Variants in TMCC1 observed in about 807,000 individuals in gnomAD.
TMCC1 encodes the protein transmembrane and coiled-coil domains protein 1.
In TMCC1, 15 loss-of-function variants were observed where a neutral mutation model predicts 52.4. The ratio of observed to expected loss-of-function variants is 0.29; its 90% CI spans 0.19 to 0.44. TMCC1 has a LOEUF of 0.44. Ranked by LOEUF, TMCC1 falls within the 20% of genes least tolerant of loss-of-function variation. The pLI, the probability that TMCC1 is intolerant of heterozygous loss-of-function variation, is 1.00. For synonymous variants in TMCC1, 279 were observed against 301.9 expected (o/e 0.92, Z 0.79); for missense variants, 503 against 806.0 (o/e 0.62, Z 4.55).
At chr3:129,808,817 T>A (rs1300260920) in intron 4 of TMCC1, among the ~76,000 whole-genome samples, 1 of 140,018 alleles carries the variant, frequency 7.1e-6, no homozygotes, top group African/African-American at 2.6e-5. Flanking sequence ...GAAAAAAAAA[T>A]AGCAGCATAA....
chr3:129,839,469 A>G (rs1364331400), intron 2 of TMCC1, among the ~76,000 whole-genome samples: 2 of 152,236 alleles, frequency 1.3e-5, no homozygotes, highest in Non-Finnish European at 2.9e-5. Context: ...AGAAGGCAGT[A>G]GGAAAAAAAC....
At chr3:129,883,900 A>G (rs1290339119) in intron 1 of TMCC1, among the ~76,000 whole-genome samples, 2 of 151,836 alleles carry the variant, frequency 1.3e-5, no homozygotes, top group African/African-American at 4.8e-5. Context: ...TATATTTTTG[A>G]AAGAAAAATA....
At chr3:129,710,178 T>C (rs2108994371) in intron 4 of TMCC1, among the ~76,000 whole-genome samples, 1 of 108,776 alleles carries the variant, frequency 9.2e-6, no homozygotes, top group Admixed American at 1.1e-4. Flanking sequence ...AGAGCGAGAT[T>C]CCATCTCAAA....
chr3:129,767,251 G>A (rs2054199357), intron 4 of TMCC1, among the ~76,000 whole-genome samples: 1 of 141,850 alleles, frequency 7.0e-6, no homozygotes, highest in African/African-American at 2.7e-5. Flanking sequence ...ACAGTGAGAC[G>A]CTGTCTTTAA....
intron 1 of TMCC1, among the ~76,000 whole-genome samples, chr3:129,884,857 A>G (rs2061619706): frequency 6.7e-6 from 1 of 150,182 alleles, no homozygotes; most frequent in Non-Finnish European, 1.5e-5. Flanking sequence ...GAGCTACAGC[A>G]GGCAGGGCGT....
chr3:129,706,511 CATTTT>C (rs2108986017), intron 4 of TMCC1, among the ~76,000 whole-genome samples: 1 of 152,210 alleles, frequency 6.6e-6, no homozygotes, highest in East Asian at 1.9e-4. Context: ...TGGCTTGAAA[CATTTT>C]ATTAAAAAAT....
At chr3:129,743,645 G>T (rs1052382231) in intron 4 of TMCC1, among the ~76,000 whole-genome samples, 2 of 152,000 alleles carry the variant, frequency 1.3e-5, no homozygotes, top group East Asian at 1.9e-4. Flanking sequence ...ATGAACCATG[G>T]ATTCTTTTGG....
rs566879766 is a variant in TMCC1, at chr3:129,711,940, T to C, written c.577-40676A>G. 2.1e-5 allele frequency among the ~76,000 whole-genome samples: 3 copies of C among 139,944 alleles called. No homozygotes were observed. The East Asian group carries it at 6.2e-4, about 29-fold the overall frequency. 91.8% of individuals were successfully genotyped at this position (139,944 alleles called of 152,430 possible). ...TCGCTTGAATCCAGGAGGCAGAGGT[T>C]GTAGTGAGCCGAGATGGTGCCACTG... On this transcript the variant is annotated intron_variant, in intron 4 of 6. Transcript: ENST00000393238.
chr3:129,771,658 CCA>C (rs1482184101), intron 4 of TMCC1, among the ~76,000 whole-genome samples: 1 of 150,986 alleles, frequency 6.6e-6, no homozygotes, highest in Non-Finnish European at 1.5e-5. Context: ...ATCTGTGGTC[CCA>C]GCTACTAGAG....
At chr3:129,734,373 AAAAC>A (rs1395421442) in intron 4 of TMCC1, among the ~76,000 whole-genome samples, 2 of 152,236 alleles carry the variant, frequency 1.3e-5, no homozygotes, top group African/African-American at 4.8e-5. Flanking sequence ...AAAATCATGT[AAAAC>A]AAAACTATAT....
In TMCC1 at chr3:129,759,585, G is replaced by GTT. The variant is rs368094253; in HGVS notation, c.576+68216_576+68217dup. ...GCCAGGCCTATGACCATTTTTGAGA[G>GTT]TTTTTTTTTTTTTTAAGAGACATGT... On this transcript the variant is annotated intron_variant, in intron 4 of 6. Coordinates refer to ENST00000393238, the MANE Select transcript of TMCC1 (RefSeq NM_001017395.5). Among the ~76,000 whole-genome samples, 265 of 136,212 alleles carry GTT rather than the reference G, an allele frequency of 1.9e-3. 1 individual carries two copies. Among genetic ancestry groups the GTT allele is most frequent in the Middle Eastern group, 4.0e-3 (1 of 252 alleles). 89.4% of individuals were successfully genotyped at this position (136,212 alleles called of 152,430 possible). A position where few individuals can be genotyped will look rare whatever the true frequency, so the allele number is the denominator to read the frequency against.
chr3:129,700,856 G>A (rs973371055), intron 4 of TMCC1, among the ~76,000 whole-genome samples: 2 of 151,902 alleles, frequency 1.3e-5, no homozygotes, highest in African/African-American at 4.8e-5. Context: ...CCCATACAAT[G>A]GTATACCCTC....
At chr3:129,827,768 TA>T in intron 4 of TMCC1, 34 bp downstream of exon 4, 4 of 1,594,246 alleles carry the variant, frequency 2.5e-6, no homozygotes, top group Non-Finnish European at 3.4e-6. Context: ...TGAAAAACAG[TA>T]AGTTAACAGA....
chr3:129,719,461 G>C (rs2049387912), intron 4 of TMCC1, among the ~76,000 whole-genome samples: 1 of 152,176 alleles, frequency 6.6e-6, no homozygotes, highest in African/African-American at 2.4e-5. Flanking sequence ...AATCCAAGGA[G>C]GGGGCTGTGG....
chr3:129,718,921 C>T (rs763829014), intron 4 of TMCC1, among the ~76,000 whole-genome samples: 10 of 152,120 alleles, frequency 6.6e-5, no homozygotes, highest in Admixed American at 1.3e-4. Context: ...AAGTTATACA[C>T]GGATCTTTGA....
chr3:129,757,154 TC>T (rs1437562326), intron 4 of TMCC1, among the ~76,000 whole-genome samples: 4 of 152,078 alleles, frequency 2.6e-5, no homozygotes, highest in Non-Finnish European at 4.4e-5. Flanking sequence ...CAAATAAGTT[TC>T]CCCTTTCACT....
intron 4 of TMCC1, among the ~76,000 whole-genome samples, chr3:129,814,125 T>C (rs1328428289): frequency 6.6e-6 from 1 of 152,068 alleles, no homozygotes; most frequent in African/African-American, 2.4e-5. Flanking sequence ...TCAGAAACCA[T>C]GAAATTTCTA....
At chr3:129,724,203 G>A (rs909260590) in intron 4 of TMCC1, among the ~76,000 whole-genome samples, 13 of 152,082 alleles carry the variant, frequency 8.5e-5, no homozygotes, top group Non-Finnish European at 5.9e-5. Flanking sequence ...AGAAAGTAAT[G>A]GCAATTCCAA....
intron 4 of TMCC1, among the ~76,000 whole-genome samples, chr3:129,672,415 T>G (rs565815456): frequency 6.6e-6 from 1 of 151,760 alleles, no homozygotes; most frequent in Admixed American, 6.6e-5. Flanking sequence ...CTGGGCAACA[T>G]AGTGAGACCC....
Sources: gnomAD v4.1 joint callset for allele counts (sites outside exome capture counted in the v4.1 genomes callset) on GRCh38, gnomAD v4.1.1 for gene constraint, MANE v1.5 for transcripts, NCBI Gene and HGNC (gene_info 2026-07-23, HGNC 2026-07-21) for gene names.